Variants in PCDHGB7 observed in about 807,000 individuals in gnomAD.
The protein encoded by PCDHGB7 is protocadherin gamma-B7.
In PCDHGB7, 37 loss-of-function variants were observed where a neutral mutation model predicts 61.4. That is an observed-to-expected ratio of 0.60 (90% CI 0.46 to 0.79). The LOEUF (loss-of-function observed/expected upper bound fraction) is 0.79. Among genes scored for constraint, PCDHGB7 ranks in the 30% least tolerant of loss-of-function variants. The pLI, the probability that PCDHGB7 is intolerant of heterozygous loss-of-function variation, is 0.00. For synonymous variants in PCDHGB7, 464 were observed against 503.5 expected (o/e 0.92, Z 1.05); for missense variants, 1,166 against 1,202.5 (o/e 0.97, Z 0.45).
intron 1 of PCDHGB7, chr5:141,428,334 C>T: frequency 1.6e-6 from 1 of 618,848 alleles, no homozygotes; most frequent in Non-Finnish European, 2.9e-6. Flanking sequence ...TTTCTATGCT[C>T]TTCTTCCTCG....
At position 141,417,704 on chromosome 5, in the gene PCDHGB7, A is replaced by G; in HGVS notation, c.-156A>G. The G allele has an allele frequency of 1.7e-6, 2 of 1,207,460 alleles. No homozygotes were observed. The highest frequency in any genetic ancestry group is 1.1e-6 in the Non-Finnish European group (1 of 894,032). The allele number at this position is 1,207,460 out of a possible 1,614,324, so 74.8% of individuals were successfully genotyped here. A position where few individuals can be genotyped will look rare whatever the true frequency, so the allele number is the denominator to read the frequency against. ...CAGAAAAGAAAACCAGCTCCCACAC[A>G]GAGGCTCCCGGCTGCGCAGACCTTG... On this transcript the variant is annotated 5_prime_UTR_variant, in exon 1 of 4. Transcript: ENST00000398594.
chr5:141,418,806 C>A lies in PCDHGB7; in HGVS notation c.947C>A (p.Thr316Lys). ...PLDFEEVERY[T>K]INIEAKDRGS... Reference sequence around the variant, plus strand: ...GATTTTGAAGAAGTAGAAAGATATACGATAAACATAGAAGCAAAAGACCGA... The same window carrying A: ...GATTTTGAAGAAGTAGAAAGATATAAGATAAACATAGAAGCAAAAGACCGA... The change falls in exon 1 of 4, where the codon ACG becomes AAG. Residue 316 changes from threonine to lysine, a missense_variant. Coordinates refer to ENST00000398594, the MANE Select transcript of PCDHGB7 (RefSeq NM_018927.4). The A allele has an allele frequency of 6.2e-7, 1 of 1,613,696 alleles. No homozygotes were observed. Among genetic ancestry groups the A allele is most frequent in the Non-Finnish European group, 8.5e-7 (1 of 1,179,698 alleles).
chr5:141,509,300 G>A (rs987250093), intron 3 of PCDHGB7, among the ~76,000 whole-genome samples: 5 of 152,216 alleles, frequency 3.3e-5, no homozygotes, highest in African/African-American at 1.2e-4. Flanking sequence ...GGTGGAGGCA[G>A]AGGGAGGCTG....
chr5:141,459,315 T>A (rs2154566534), intron 1 of PCDHGB7, among the ~76,000 whole-genome samples: 1 of 152,362 alleles, frequency 6.6e-6, no homozygotes, highest in Non-Finnish European at 1.5e-5. Flanking sequence ...CTATTTTGTA[T>A]CCATCTTCTT....
At chr5:141,422,723 G>T in intron 1 of PCDHGB7, 1 of 1,605,958 alleles carries the variant, frequency 6.2e-7, no homozygotes, top group South Asian at 1.1e-5. Flanking sequence ...ACTGTCCAGG[G>T]GGTGCCTCTG....
At chr5:141,429,164 G>A (rs2097189096) in intron 1 of PCDHGB7, 1 of 131,392 alleles carries the variant, frequency 7.6e-6, no homozygotes, top group African/African-American at 3.1e-5. Flanking sequence ...CGGAGACATT[G>A]TTTATACACA....
At chr5:141,473,369 G>T (rs888984972) in intron 1 of PCDHGB7, among the ~76,000 whole-genome samples, 1 of 152,200 alleles carries the variant, frequency 6.6e-6, no homozygotes, top group Non-Finnish European at 1.5e-5. Flanking sequence ...CACCAAAATA[G>T]CATGGTCCCT....
At chr5:141,465,162 G>A (rs1464525964) in intron 1 of PCDHGB7, among the ~76,000 whole-genome samples, 1 of 151,654 alleles carries the variant, frequency 6.6e-6, no homozygotes, top group Non-Finnish European at 1.5e-5. Context: ...GACTCTAAAT[G>A]TTTATGAAGA....
At chr5:141,484,626 C>T (rs1306600907) in intron 1 of PCDHGB7, among the ~76,000 whole-genome samples, 1 of 151,972 alleles carries the variant, frequency 6.6e-6, no homozygotes, top group African/African-American at 2.4e-5. Context: ...CTGGCTTGAA[C>T]AAAGTGACCA....
rs1021096537 is a variant in PCDHGB7, at chr5:141,511,383, T to C, written c.*210T>C. 2 of 1,155,330 alleles carry C rather than the reference T, an allele frequency of 1.7e-6. No homozygotes were observed. Among genetic ancestry groups the C allele is most frequent in the Non-Finnish European group, 2.4e-6 (2 of 841,000 alleles). The allele number at this position is 1,155,330 out of a possible 1,614,324, so 71.6% of individuals were successfully genotyped here. ...GTTGAATATGCAAAAGCAGTTCCGC[T>C]GGGAACCCCCATCCAATCAACTGCT... is the stretch of plus-strand genomic sequence containing the variant. On this transcript the variant is annotated 3_prime_UTR_variant, in exon 4 of 4. Transcript: ENST00000398594.
rs201538255 is a variant in PCDHGB7 at position 141,476,796 on chromosome 5, G to A, written c.2416-18011G>A. 10 of 1,613,584 alleles carry A rather than the reference G, an allele frequency of 6.2e-6. No individual in the cohort carries two copies. In the East Asian group the frequency reaches 2.2e-4, roughly 36 times the overall value. On this transcript the variant is annotated intron_variant, in intron 1 of 3. Transcript: ENST00000398594. This position sits in a 1 kb window ranked among gnomAD's most constrained non-coding sequence, Gnocchi z 7.6. Reference sequence around the variant, plus strand: ...GGAGGGACCCCAGCTCTCTCCGCCAGCCTGCCTATTCACATCAAGGTGCTG... The same window carrying A: ...GGAGGGACCCCAGCTCTCTCCGCCAACCTGCCTATTCACATCAAGGTGCTG...
chr5:141,431,416 C>G lies in PCDHGB7; in HGVS notation c.2415+11142C>G, dbSNP rs778722151. 3 of 1,613,596 alleles carry G rather than the reference C, an allele frequency of 1.9e-6. No homozygotes were observed. The highest frequency in any genetic ancestry group is 2.7e-5 in the African/African-American group (2 of 74,954). On this transcript the variant is annotated intron_variant, in intron 1 of 3. Coordinates refer to ENST00000398594, the MANE Select transcript of PCDHGB7 (RefSeq NM_018927.4). The surrounding 1 kb of genome is among the most constrained non-coding windows in gnomAD (Gnocchi z 4.8). ...TCCTTACGGCCTCCGACGGGGGCGA[C>G]CCGGTGCGCACAGGCACCGCGCGCA...
intron 1 of PCDHGB7, chr5:141,422,001 C>T (rs2096616874): frequency 6.2e-7 from 1 of 1,609,114 alleles, no homozygotes; most frequent in Non-Finnish European, 8.5e-7. Context: ...ACATCAGCTC[C>T]GGAACTCGGG....
intron 1 of PCDHGB7, among the ~76,000 whole-genome samples, chr5:141,488,115 G>A (rs936010936): frequency 1.4e-4 from 21 of 152,298 alleles, no homozygotes; most frequent in Middle Eastern, 3.4e-3. Flanking sequence ...TTGAAACATA[G>A]AGACAGCAGA....
At chr5:141,465,488 G>A (rs2099104080) in intron 1 of PCDHGB7, among the ~76,000 whole-genome samples, 1 of 152,224 alleles carries the variant, frequency 6.6e-6, no homozygotes. Flanking sequence ...AGAGGAATGA[G>A]CGGGAGCATT....
In PCDHGB7 at chr5:141,432,143, C is replaced by G; in HGVS notation, c.2415+11869C>G. 2 of 1,614,084 alleles carry G rather than the reference C, an allele frequency of 1.2e-6. No homozygotes were observed. Among genetic ancestry groups the G allele is most frequent in the Non-Finnish European group, 1.7e-6 (2 of 1,180,006 alleles). Reference sequence around the variant, plus strand: ...TCAGGCCTCCTATTCCGCTTATATCCCAGAGAACAATCCCAGAGGAGTTTC... The same window carrying G: ...TCAGGCCTCCTATTCCGCTTATATCGCAGAGAACAATCCCAGAGGAGTTTC... On this transcript the variant is annotated intron_variant, in intron 1 of 3. Coordinates refer to ENST00000398594, the MANE Select transcript of PCDHGB7 (RefSeq NM_018927.4). This position sits in a 1 kb window ranked among gnomAD's most constrained non-coding sequence, Gnocchi z 6.0.
chr5:141,498,971 G>GGGAAGGAAGGAAGGAAGGAA (rs201769957), intron 2 of PCDHGB7, among the ~76,000 whole-genome samples: 36 of 111,052 alleles, frequency 3.2e-4, no homozygotes, highest in African/African-American at 9.0e-4. Context: ...GAGGGAGGGA[G>GGGAAGGAAGGAAGGAAGGAA]GGAAGGAAGG....
intron 1 of PCDHGB7, among the ~76,000 whole-genome samples, chr5:141,454,065 G>A (rs1167102666): frequency 1.3e-5 from 2 of 152,204 alleles, no homozygotes; most frequent in Non-Finnish European, 2.9e-5. Flanking sequence ...AGAAACAAAA[G>A]TGATAATGTT....
In PCDHGB7 at chr5:141,431,265, G is replaced by T; in HGVS notation, c.2415+10991G>T. On this transcript the variant is annotated intron_variant, in intron 1 of 3. Transcript: ENST00000398594. The surrounding 1 kb of genome is among the most constrained non-coding windows in gnomAD (Gnocchi z 4.8). ...GATATCGGGAAGAACTCTCTGCAGAGCTACGAGCTCAGCCCGAACACTCAC... is the reference window on the plus strand; with the variant it reads ...GATATCGGGAAGAACTCTCTGCAGATCTACGAGCTCAGCCCGAACACTCAC... 1 of 1,614,168 alleles carries T rather than the reference G, an allele frequency of 6.2e-7. No homozygotes were observed. The highest frequency in any genetic ancestry group is 8.5e-7 in the Non-Finnish European group (1 of 1,180,054).
Sources: gnomAD v4.1 joint callset for allele counts (sites outside exome capture counted in the v4.1 genomes callset) on GRCh38, gnomAD v4.1.1 for gene constraint, Gnocchi (gnomAD v3.1) non-coding constraint, MANE v1.5 for transcripts, NCBI Gene and HGNC (gene_info 2026-07-23, HGNC 2026-07-21) for gene names.